The following SPTLC2 variants were observed in gnomAD, a reference collection of about 807,000 sequenced individuals.
SPTLC2 encodes serine palmitoyltransferase long chain base subunit 2.
In SPTLC2, 21 loss-of-function variants were observed where a neutral mutation model predicts 62.0. The observed-to-expected ratio is 0.34, with a 90% CI of 0.24 to 0.49. The LOEUF (loss-of-function observed/expected upper bound fraction) is 0.49. Ranked by LOEUF, SPTLC2 falls within the 20% of genes least tolerant of loss-of-function variation. The pLI is 0.99. For missense variants in SPTLC2, 511 were observed against 713.0 expected, an observed-to-expected ratio of 0.72 and a Z score of 3.23; for synonymous variants, 261 against 261.8, an observed-to-expected ratio of 1.00 and a Z score of 0.03.
At chr14:77,550,291 T>C (rs1460866069) in intron 9 of SPTLC2, among the ~76,000 whole-genome samples, 2 of 152,210 alleles carry the variant, frequency 1.3e-5, no homozygotes, top group East Asian at 1.9e-4. Flanking sequence ...AAGAAAACAG[T>C]CGACTGGGCG....
At chr14:77,513,382 T>C (rs989614384) in intron 11 of SPTLC2, among the ~76,000 whole-genome samples, 8 of 152,306 alleles carry the variant, frequency 5.3e-5, no homozygotes, top group East Asian at 1.9e-4. Context: ...TACTGATGTA[T>C]TGTAGCACAA....
At chr14:77,577,546 T>C (rs983388734) in intron 3 of SPTLC2, among the ~76,000 whole-genome samples, 4 of 152,186 alleles carry the variant, frequency 2.6e-5, no homozygotes, top group Admixed American at 2.0e-4. Context: ...CTACAAATAA[T>C]AAACTTGCTG....
At chr14:77,533,598 G>C (rs1463541921) in intron 9 of SPTLC2, among the ~76,000 whole-genome samples, 1 of 152,194 alleles carries the variant, frequency 6.6e-6, no homozygotes, top group African/African-American at 2.4e-5. Context: ...CGATGTTCCA[G>C]AGCTAAATAA....
chr14:77,612,265 G>A (rs534013894), intron 1 of SPTLC2, among the ~76,000 whole-genome samples: 2 of 152,258 alleles, frequency 1.3e-5, no homozygotes, highest in Admixed American at 1.3e-4. Context: ...CTTGCTCAAA[G>A]CGGTGCAAAT....
intron 5 of SPTLC2, 131 bp downstream of exon 5, chr14:77,570,253 G>A (rs2079673359): frequency 1.1e-6 from 1 of 935,976 alleles, no homozygotes; most frequent in Admixed American, 2.4e-5. Flanking sequence ...AAAACAATTT[G>A]TGGTAGAAAT....
intron 1 of SPTLC2, among the ~76,000 whole-genome samples, chr14:77,615,984 C>G (rs1362353046): frequency 6.6e-6 from 1 of 152,168 alleles, no homozygotes; most frequent in African/African-American, 2.4e-5. Context: ...TTCCATCTGA[C>G]ACCACCGCCT....
At chr14:77,537,864 CACT>C (rs1320634969) in intron 9 of SPTLC2, among the ~76,000 whole-genome samples, 1 of 152,094 alleles carries the variant, frequency 6.6e-6, no homozygotes, top group Non-Finnish European at 1.5e-5. Context: ...AATAAACGGC[CACT>C]GTTATTTCAC....
At chr14:77,545,422 A>AG (rs1179229668) in intron 9 of SPTLC2, among the ~76,000 whole-genome samples, 1 of 152,026 alleles carries the variant, frequency 6.6e-6, no homozygotes, top group Non-Finnish European at 1.5e-5. Context: ...ATGCGCCACC[A>AG]TGCCTGGCTA....
intron 1 of SPTLC2, among the ~76,000 whole-genome samples, chr14:77,603,689 T>C (rs1260591127): frequency 6.6e-6 from 1 of 152,190 alleles, no homozygotes; most frequent in Admixed American, 6.5e-5. Context: ...ACATTTATAT[T>C]TTGACATTAC....
At chr14:77,545,580 TCTTA>T (rs1398182261) in intron 9 of SPTLC2, among the ~76,000 whole-genome samples, 1 of 152,188 alleles carries the variant, frequency 6.6e-6, no homozygotes, top group Admixed American at 6.5e-5. Context: ...GGTATCAGGT[TCTTA>T]CTTTGAGCAG....
Position 77,576,894 on chromosome 14 carries a change from C to T in SPTLC2, c.504G>A (p.Lys168=), listed in dbSNP as rs904812248. The change falls in exon 4 of 12, where the codon AAG becomes AAA. Residue 168 remains lysine (K), a synonymous_variant. Coordinates refer to ENST00000216484, the MANE Select transcript of SPTLC2 (RefSeq NM_004863.4). ...WSFKYTGNII[K]GVINMGSYNY... is the part of the protein sequence containing the mutation. Reference sequence around the variant, plus strand: ...TGTAGGAACCCATGTTTATAACACCCTTTATTATATTCCCTGTATACCTGT... The same window carrying T: ...TGTAGGAACCCATGTTTATAACACCTTTTATTATATTCCCTGTATACCTGT... 1 of 1,614,084 alleles carries T rather than the reference C, an allele frequency of 6.2e-7. No homozygotes were observed. The highest frequency in any genetic ancestry group is 8.5e-7 in the Non-Finnish European group (1 of 1,180,022).
intron 1 of SPTLC2, among the ~76,000 whole-genome samples, chr14:77,600,808 C>T (rs183620164): frequency 9.5e-4 from 144 of 151,804 alleles, no homozygotes; most frequent in Middle Eastern, 3.4e-3. Context: ...AATTTTTTTC[C>T]GACAAGACTA....
Position 77,509,674 on chromosome 14 carries a change from C to T in SPTLC2, c.*2610G>A, listed in dbSNP as rs1042686313. The T allele has an allele frequency of 2.6e-6, 1 of 387,862 alleles. No individual in the cohort carries two copies. The highest frequency in any genetic ancestry group is 4.5e-6 in the Non-Finnish European group (1 of 219,932). 24.0% of individuals were successfully genotyped at this position (387,862 alleles called of 1,614,324 possible). A position where few individuals can be genotyped will look rare whatever the true frequency, so the allele number is the denominator to read the frequency against. ...ATATATACTTGTATTCCTCCAAGTA[C>T]TTGGATAAATGATGATACCTAGGAT... On this transcript the variant is annotated 3_prime_UTR_variant, in exon 12 of 12. Transcript: ENST00000216484.
chr14:77,544,616 T>C (rs890570576), intron 9 of SPTLC2, among the ~76,000 whole-genome samples: 1 of 152,336 alleles, frequency 6.6e-6, no homozygotes, highest in African/African-American at 2.4e-5. Context: ...AGGTGGTCCA[T>C]GGACAAAGTC....
At chr14:77,549,895 T>G (rs958770705) in intron 9 of SPTLC2, among the ~76,000 whole-genome samples, 4 of 152,214 alleles carry the variant, frequency 2.6e-5, no homozygotes, top group African/African-American at 9.6e-5. Flanking sequence ...GGCAAATAAA[T>G]TATCCAATGT....
chr14:77,560,442 CACAAAAAACAAAAA>C (rs113830819), intron 6 of SPTLC2, among the ~76,000 whole-genome samples: 41 of 151,584 alleles, frequency 2.7e-4, no homozygotes, highest in African/African-American at 8.7e-4. Context: ...AAAAAGAAAA[CACAAAAAACAAAAA>C]ACAAAAAACT....
rs1421593054 is a variant in SPTLC2, at chr14:77,508,346, T to C, written c.*3938A>G. 6.6e-6 allele frequency: 1 copy of C among 152,220 alleles called. No individual in the cohort carries two copies. The highest frequency in any genetic ancestry group is 1.9e-4 in the East Asian group (1 of 5,202). The allele number at this position is 152,220 out of a possible 1,614,324, so 9.4% of individuals were successfully genotyped here. A position where few individuals can be genotyped will look rare whatever the true frequency, so the allele number is the denominator to read the frequency against. On this transcript the variant is annotated 3_prime_UTR_variant, in exon 12 of 12. Transcript: ENST00000216484. The stretch of plus-strand genomic sequence containing the variant: ...AGAGATTAAAGCTCATTGGCTTACC[T>C]AGAACACCAAGAGAGGAAAGATACC...
intron 9 of SPTLC2, among the ~76,000 whole-genome samples, chr14:77,541,162 G>A (rs1352201859): frequency 6.6e-6 from 1 of 152,000 alleles, no homozygotes; most frequent in Non-Finnish European, 1.5e-5. Flanking sequence ...TCAAGTAGCT[G>A]GGACTATAGG....
intron 2 of SPTLC2, among the ~76,000 whole-genome samples, chr14:77,583,609 A>G (rs1259993653): frequency 6.6e-6 from 1 of 152,064 alleles, no homozygotes; most frequent in Non-Finnish European, 1.5e-5. Context: ...GTCACTGTGA[A>G]GTGACTTTAG....
Sources: allele counts gnomAD v4.1 joint callset (sites outside exome capture counted in the v4.1 genomes callset), GRCh38; gene constraint gnomAD v4.1.1; transcripts MANE v1.5; gene names NCBI Gene and HGNC (gene_info 2026-07-23, HGNC 2026-07-21).